ADAM20: variants seen among roughly 807,000 people sequenced by gnomAD.
The protein encoded by ADAM20 is ADAM metallopeptidase domain 20.
For synonymous variants in ADAM20, 305 were observed against 310.2 expected, an observed-to-expected ratio of 0.98 and a Z score of 0.18; for missense variants, 871 against 883.2, an observed-to-expected ratio of 0.99 and a Z score of 0.18.
the ADAM20 span, among the ~76,000 whole-genome samples, chr14:70,574,254 TA>T: frequency 6.6e-6 from 1 of 152,216 alleles, no homozygotes; most frequent in African/African-American, 2.4e-5. Flanking sequence ...AAAAAAATTT[TA>T]AATGTCTTGA....
At chr14:70,534,678 G>A (rs571404644) in intron 1 of ADAM20, 119 bp downstream of exon 1, 2 of 152,236 alleles carry the variant, frequency 1.3e-5, no homozygotes, top group South Asian at 4.1e-4. Flanking sequence ...GGGAAATGAG[G>A]AGTTCCTGTT....
chr14:70,576,132 G>C, the ADAM20 span, among the ~76,000 whole-genome samples: 1 of 152,072 alleles, frequency 6.6e-6, no homozygotes, highest in Non-Finnish European at 1.5e-5. Context: ...AAGTAGAATT[G>C]AGGCAATAAT....
At chr14:70,525,467 T>C (rs1267278533) in intron 1 of ADAM20, among the ~76,000 whole-genome samples, 2 of 152,054 alleles carry the variant, frequency 1.3e-5, no homozygotes, top group African/African-American at 2.4e-5. Context: ...AGTGATCTTC[T>C]TGTCTCAGCC....
the ADAM20 span, among the ~76,000 whole-genome samples, chr14:70,566,111 T>C: frequency 1.3e-5 from 2 of 152,116 alleles, no homozygotes; most frequent in Non-Finnish European, 1.5e-5. Flanking sequence ...AATAGCAACA[T>C]GAAAGACCAC....
the ADAM20 span, among the ~76,000 whole-genome samples, chr14:70,547,044 GATC>G: frequency 6.6e-6 from 1 of 152,124 alleles, no homozygotes; most frequent in Non-Finnish European, 1.5e-5. Context: ...AAATTCAAAG[GATC>G]ATTAGTGGCT....
intron 1 of ADAM20, among the ~76,000 whole-genome samples, chr14:70,534,488 A>G (rs984334728): frequency 1.3e-5 from 2 of 152,180 alleles, no homozygotes; most frequent in African/African-American, 2.4e-5. Flanking sequence ...CGCATGGCCC[A>G]AAAAAGGAAG....
At chr14:70,558,555 C>T in the ADAM20 span, among the ~76,000 whole-genome samples, 1 of 152,018 alleles carries the variant, frequency 6.6e-6, no homozygotes, top group Non-Finnish European at 1.5e-5. Flanking sequence ...CTCAGAGTTG[C>T]TCATTGTCCA....
intron 1 of ADAM20, among the ~76,000 whole-genome samples, chr14:70,533,838 T>C (rs1883768435): frequency 6.6e-6 from 1 of 150,976 alleles, no homozygotes; most frequent in Non-Finnish European, 1.5e-5. Context: ...ATCCCAGCAC[T>C]TTGGGAGGCT....
At chr14:70,559,977 T>C in the ADAM20 span, among the ~76,000 whole-genome samples, 2 of 152,222 alleles carry the variant, frequency 1.3e-5, no homozygotes, top group African/African-American at 2.4e-5. Context: ...TATTATGTTA[T>C]TGTGTCATCC....
the ADAM20 span, among the ~76,000 whole-genome samples, chr14:70,561,704 G>A: frequency 1.3e-5 from 2 of 152,378 alleles, no homozygotes; most frequent in Non-Finnish European, 1.5e-5. Flanking sequence ...CTCCAGCCAT[G>A]GCTAAAAGGG....
At chr14:70,571,238 C>T in the ADAM20 span, among the ~76,000 whole-genome samples, 1 of 152,182 alleles carries the variant, frequency 6.6e-6, no homozygotes, top group Non-Finnish European at 1.5e-5. Flanking sequence ...CCCCACCCAA[C>T]TCTCAACTTG....
At position 70,524,062 on chromosome 14, in the gene ADAM20, A is replaced by G; in HGVS notation, c.696T>C (p.His232=). 6.2e-7 allele frequency: 1 copy of G among 1,614,014 alleles called. No individual in the cohort carries two copies. Among genetic ancestry groups the G allele is most frequent in the South Asian group, 1.1e-5 (1 of 91,078 alleles). The change falls in exon 2 of 2, where the codon CAT becomes CAC. Residue 232 remains histidine (H), a synonymous_variant. Coordinates refer to ENST00000256389, the MANE Select transcript of ADAM20 (RefSeq NM_003814.5). ...FSQSNATTVQ[H]EVFNVVNIVD... ...CTATATTGACAACGTTAAATACTTC[A>G]TGCTGCACTGTTGTTGCATTACTTT...
the ADAM20 span, among the ~76,000 whole-genome samples, chr14:70,575,455 T>A: frequency 6.6e-6 from 1 of 152,174 alleles, no homozygotes; most frequent in African/African-American, 2.4e-5. Flanking sequence ...ATACATTAAG[T>A]GAATAGATCC....
chr14:70,522,373 C>A lies in ADAM20; in HGVS notation c.*204G>T. The A allele has an allele frequency of 2.0e-6, 1 of 505,558 alleles. No homozygotes were observed. Among genetic ancestry groups the A allele is most frequent in the Non-Finnish European group, 3.4e-6 (1 of 296,648 alleles). 31.3% of individuals were successfully genotyped at this position (505,558 alleles called of 1,614,324 possible). The stretch of plus-strand genomic sequence containing the variant: ...AAGACACAACTTCTGGGAAAAGGAA[C>A]CTTTAATATTGCTTAAGACACTGTA... On this transcript the variant is annotated 3_prime_UTR_variant, in exon 2 of 2. Transcript: ENST00000256389.
At chr14:70,578,678 G>A in the ADAM20 span, among the ~76,000 whole-genome samples, 1 of 152,100 alleles carries the variant, frequency 6.6e-6, no homozygotes, top group Non-Finnish European at 1.5e-5. Flanking sequence ...AGTGGGCAAA[G>A]GACATGAACA....
the ADAM20 span, among the ~76,000 whole-genome samples, chr14:70,565,891 C>T: frequency 5.9e-5 from 9 of 151,466 alleles, no homozygotes; most frequent in African/African-American, 1.9e-4. Flanking sequence ...TGGATAACCC[C>T]ACAGGTACCG....
At chr14:70,535,363 A>G (rs1365428663), upstream of ADAM20, among the ~76,000 whole-genome samples, 4 of 152,240 alleles carry the variant, frequency 2.6e-5, no homozygotes, top group African/African-American at 9.6e-5. Context: ...GAGTGACAAC[A>G]TAAGTTGAAT....
intron 1 of ADAM20, among the ~76,000 whole-genome samples, chr14:70,527,331 T>C (rs974465099): frequency 1.3e-5 from 2 of 152,182 alleles, no homozygotes; most frequent in Non-Finnish European, 2.9e-5. Context: ...ATGAATCCTA[T>C]AGCCTTACCT....
Position 70,529,998 on chromosome 14 carries a change from G to A in ADAM20, c.-177+4799C>T, listed in dbSNP as rs185130001. ...ACAGCTGTACAAAAATTTTTACATC[G>A]TAGGCCAGGCATGGTGGCTCACGCC... is the stretch of plus-strand genomic sequence containing the variant. On this transcript the variant is annotated intron_variant, in intron 1 of 1. Transcript: ENST00000256389. Among the ~76,000 whole-genome samples the A allele has an allele frequency of 3.6e-3, 544 of 151,966 alleles. 2 individuals are homozygous for A. Among genetic ancestry groups the A allele is most frequent in the Non-Finnish European group, 6.1e-3 (415 of 67,988 alleles).
Sources: gnomAD v4.1 joint callset for allele counts (sites outside exome capture counted in the v4.1 genomes callset) on GRCh38, gnomAD v4.1.1 for gene constraint, MANE v1.5 for transcripts, NCBI Gene and HGNC (gene_info 2026-07-23, HGNC 2026-07-21) for gene names.